CABIN1: variants seen among roughly 807,000 people sequenced by gnomAD.
CABIN1 encodes calcineurin binding protein 1.
Under a neutral mutation model 227.7 loss-of-function variants are expected in CABIN1, and 133 were observed. That is an observed-to-expected ratio of 0.58 (90% CI 0.51 to 0.67). The LOEUF (loss-of-function observed/expected upper bound fraction) is 0.67, where lower values mean the gene tolerates loss of function less well. Among genes scored for constraint, CABIN1 ranks in the 30% least tolerant of loss-of-function variants. The pLI, the probability that CABIN1 is intolerant of heterozygous loss-of-function variation, is 0.00. For synonymous variants in CABIN1, 1,086 were observed against 1,155.1 expected, an observed-to-expected ratio of 0.94 and a Z score of 1.21; for missense variants, 2,408 against 2,852.5, an observed-to-expected ratio of 0.84 and a Z score of 3.55.
intron 1 of CABIN1, among the ~76,000 whole-genome samples, chr22:24,034,101 C>T (rs1424329972): frequency 6.6e-6 from 1 of 152,236 alleles, no homozygotes; most frequent in East Asian, 1.9e-4. Context: ...CGAGATCCCT[C>T]GCATGCACAG....
intron 28 of CABIN1, among the ~76,000 whole-genome samples, chr22:24,124,826 T>A (rs1055482252): frequency 6.6e-6 from 1 of 152,104 alleles, no homozygotes; most frequent in African/African-American, 2.4e-5. Flanking sequence ...CCCCTTCACC[T>A]CCTGCTACTT....
chr22:24,082,354 T>C (rs528546096), intron 19 of CABIN1, among the ~76,000 whole-genome samples: 13 of 152,320 alleles, frequency 8.5e-5, no homozygotes, highest in African/African-American at 2.9e-4. Flanking sequence ...CCTCCCAAAG[T>C]GCTGGAATTA....
At chr22:24,068,079 G>A (rs1442355979) in intron 16 of CABIN1, among the ~76,000 whole-genome samples, 1 of 152,174 alleles carries the variant, frequency 6.6e-6, no homozygotes, top group Non-Finnish European at 1.5e-5. Context: ...CAGATTGCAC[G>A]AAGCATTTTA....
chr22:24,037,170 C>T (rs2036962173), intron 3 of CABIN1, among the ~76,000 whole-genome samples: 1 of 143,530 alleles, frequency 7.0e-6, no homozygotes. Context: ...TAAGGCAGGA[C>T]AATAGCTTGA....
chr22:24,067,189 C>T lies in CABIN1; in HGVS notation c.2232+8C>T. 2 of 1,614,026 alleles carry T rather than the reference C, an allele frequency of 1.2e-6. No homozygotes were observed. Among genetic ancestry groups the T allele is most frequent in the Non-Finnish European group, 8.5e-7 (1 of 1,179,888 alleles). Reference sequence around the variant, plus strand: ...CAGCTGCTTCTTCTGCAGGTGTGTGCTGCCAGTGTCCCTCACACCCACTTG... The same window carrying T: ...CAGCTGCTTCTTCTGCAGGTGTGTGTTGCCAGTGTCCCTCACACCCACTTG... On this transcript the variant is annotated splice_region_variant and intron_variant, in intron 16 of 36. Coordinates refer to ENST00000263119, the MANE Select transcript of CABIN1 (RefSeq NM_012295.4).
intron 27 of CABIN1, among the ~76,000 whole-genome samples, chr22:24,115,537 C>A (rs1409554379): frequency 6.6e-6 from 1 of 152,244 alleles, no homozygotes; most frequent in Non-Finnish European, 1.5e-5. Context: ...AGTTGATCAA[C>A]TTCCTGTTGT....
intron 16 of CABIN1, among the ~76,000 whole-genome samples, chr22:24,069,722 G>A (rs2051198): frequency 0.28 from 43,309 of 151,974 alleles, 7,726 homozygotes; most frequent in African/African-American, 0.5. Flanking sequence ...AATGAAACAC[G>A]GGCCCCATTT....
At chr22:24,100,956 A>G (rs114392691) in intron 26 of CABIN1, among the ~76,000 whole-genome samples, 2,021 of 152,310 alleles carry the variant, frequency 0.013, 43 homozygotes, top group African/African-American at 0.046. Flanking sequence ...CACTGCATAG[A>G]GGGAAGAGCC....
intron 34 of CABIN1, 147 bp downstream of exon 34, chr22:24,172,142 G>A: frequency 1.1e-6 from 1 of 952,190 alleles, no homozygotes; most frequent in Non-Finnish European, 1.6e-6. Context: ...GGTGACCGCG[G>A]GTCCACTCAC....
In CABIN1 at chr22:24,165,615, G is replaced by A. The variant is rs1054068255; in HGVS notation, c.4996G>A (p.Glu1666Lys). Residue 1666 changes from glutamate (E) to lysine (K), a missense_variant, in exon 31 of 37, where the codon GAG becomes AAG. Physicochemically the swap from Glu to Lys is moderately conservative, Grantham distance 56. Transcript: ENST00000263119. ...TVKVLEDTLS[E>K]LAEGSERPGP... ...GAAGGTGCTCGAAGACACGCTGAGCGAGCTCGCAGAGGTATGCCACCTGTG... is the reference window on the plus strand; with the variant it reads ...GAAGGTGCTCGAAGACACGCTGAGCAAGCTCGCAGAGGTATGCCACCTGTG... 9 of 1,612,438 alleles carry A rather than the reference G, an allele frequency of 5.6e-6. No homozygotes were observed. The highest frequency in any genetic ancestry group is 2.7e-5 in the African/African-American group (2 of 75,038).
At chr22:24,165,400 G>A in intron 30 of CABIN1, 130 bp from the exon 31 acceptor site, 1 of 850,930 alleles carries the variant, frequency 1.2e-6, no homozygotes. Flanking sequence ...CCCCAAACAG[G>A]TGGTTAGGTG....
Position 24,177,987 on chromosome 22 carries a change from T to C in CABIN1, c.6520-66T>C. 2 of 1,606,492 alleles carry C rather than the reference T, an allele frequency of 1.2e-6. No homozygotes were observed. The highest frequency in any genetic ancestry group is 1.7e-6 in the Non-Finnish European group (2 of 1,178,010). On this transcript the variant is annotated intron_variant, in intron 36 of 36. Coordinates refer to ENST00000263119, the MANE Select transcript of CABIN1 (RefSeq NM_012295.4). This position sits in a 1 kb window ranked among gnomAD's most constrained non-coding sequence, Gnocchi z 4.4. ...GGGGGGCCTGGGGCAGGGGTGAAGG[T>C]GGCAGAGGGGCTTGGGGCAGAGCCC...
chr22:24,126,827 C>T (rs555464151), intron 28 of CABIN1, among the ~76,000 whole-genome samples: 18 of 152,086 alleles, frequency 1.2e-4, no homozygotes, highest in African/African-American at 2.9e-4. Context: ...GGCAAAACCC[C>T]GTCTCAACTA....
At chr22:24,053,545 T>C (rs1043926687) in intron 8 of CABIN1, among the ~76,000 whole-genome samples, 1 of 151,728 alleles carries the variant, frequency 6.6e-6, no homozygotes, top group Admixed American at 6.6e-5. Flanking sequence ...CCCTGGCTAA[T>C]TTTTGGTATT....
chr22:24,083,111 C>A, intron 19 of CABIN1, 117 bp from the exon 20 acceptor site: 2 of 1,031,396 alleles, frequency 1.9e-6, no homozygotes, highest in Non-Finnish European at 3.0e-6. Context: ...GCCCAACAGA[C>A]ATAGCCACCT....
At chr22:24,153,797 C>T (rs986447603) in intron 29 of CABIN1, among the ~76,000 whole-genome samples, 5 of 152,118 alleles carry the variant, frequency 3.3e-5, no homozygotes. Context: ...CAACATTCTC[C>T]CAGGGAAGTC....
chr22:24,048,413 T>A (rs894183970), intron 6 of CABIN1, among the ~76,000 whole-genome samples: 1 of 151,470 alleles, frequency 6.6e-6, no homozygotes, highest in Non-Finnish European at 1.5e-5. Flanking sequence ...TGGGACAGAG[T>A]GGTTTTGAGA....
intron 19 of CABIN1, among the ~76,000 whole-genome samples, chr22:24,080,393 G>A (rs1250957266): frequency 3.9e-5 from 6 of 152,136 alleles, no homozygotes; most frequent in Non-Finnish European, 5.9e-5. Flanking sequence ...CGATCACTCT[G>A]TAATGTTTTA....
chr22:24,052,227 A>G (rs562487006), intron 8 of CABIN1, among the ~76,000 whole-genome samples: 2 of 152,088 alleles, frequency 1.3e-5, no homozygotes, highest in South Asian at 2.1e-4. Context: ...GGGAGGGCTA[A>G]GTAGAAGCAG....
Sources: gnomAD v4.1 joint callset for allele counts (sites outside exome capture counted in the v4.1 genomes callset) on GRCh38, gnomAD v4.1.1 for gene constraint, Gnocchi (gnomAD v3.1) non-coding constraint, MANE v1.5 for transcripts, NCBI Gene and HGNC (gene_info 2026-07-23, HGNC 2026-07-21) for gene names.